YARS1: variants seen among roughly 807,000 people sequenced by gnomAD.
YARS1 encodes the protein tyrosyl-tRNA synthetase 1.
YARS1 carries 36 observed loss-of-function variants against 62.2 expected under a neutral mutation model. The observed-to-expected ratio is 0.58, with a 90% CI of 0.44 to 0.76. The LOEUF (loss-of-function observed/expected upper bound fraction) is 0.76. Among genes scored for constraint, YARS1 ranks in the 30% least tolerant of loss-of-function variants. The probability of loss-of-function intolerance (pLI) is 0.00; values close to 1 mark genes in which losing one functional copy is unlikely to be tolerated. For missense variants in YARS1, 524 were observed against 639.8 expected, an observed-to-expected ratio of 0.82 and a Z score of 1.95; for synonymous variants, 234 against 244.9, an observed-to-expected ratio of 0.96 and a Z score of 0.42.
chr1:32,790,937 TA>T (rs1246130350), intron 6 of YARS1: 29 of 544,032 alleles, frequency 5.3e-5, no homozygotes, highest in Non-Finnish European at 8.2e-5. Context: ...CTTTTGCTTT[TA>T]TTTTTTTATC....
At chr1:32,785,890 C>CTTT (rs11344284) in intron 8 of YARS1, among the ~76,000 whole-genome samples, 14 of 146,494 alleles carry the variant, frequency 9.6e-5, no homozygotes, top group African/African-American at 3.5e-4. Flanking sequence ...AGCCCATTTT[C>CTTT]TTTTTTTTTT....
chr1:32,784,457 CCCT>C (rs1653156967), intron 8 of YARS1, among the ~76,000 whole-genome samples: 1 of 151,980 alleles, frequency 6.6e-6, no homozygotes, highest in Non-Finnish European at 1.5e-5. Flanking sequence ...CCCATAATCC[CCCT>C]CCTCACCTTT....
rs771657997 is a variant in YARS1 at position 32,810,762 on chromosome 1, G to C, written c.209C>G (p.Thr70Arg). The change falls in exon 3 of 13, where the codon ACA (threonine) becomes AGA (arginine). Residue 70 changes from threonine (T) to arginine (R), a missense_variant. Physicochemically the swap from Thr to Arg is moderately conservative, Grantham distance 71. Transcript: ENST00000373477. Reference sequence around the variant, plus strand: ...TGCGTGGAGGTCCGCAAACAGAATTGTTACCTGGACAAGAGATAAGGGGCC... The same window carrying C: ...TGCGTGGAGGTCCGCAAACAGAATTCTTACCTGGACAAGAGATAAGGGGCC... ...ADFLKAGCEVTILFADLHAYL... is the reference protein window; with the variant it reads ...ADFLKAGCEVRILFADLHAYL... 2 of 1,614,122 alleles carry C rather than the reference G, an allele frequency of 1.2e-6. No homozygotes were observed. The highest frequency in any genetic ancestry group is 2.7e-5 in the African/African-American group (2 of 75,026).
At chr1:32,786,650 T>C (rs1653238332) in intron 7 of YARS1, 1 of 710,504 alleles carries the variant, frequency 1.4e-6, no homozygotes, top group Middle Eastern at 3.3e-4. Context: ...GGAAGGCTTG[T>C]GGCTTATATC....
intron 10 of YARS1, 52 bp downstream of exon 10, chr1:32,780,996 A>G: frequency 6.4e-7 from 1 of 1,564,068 alleles, no homozygotes; most frequent in African/African-American, 1.4e-5. Flanking sequence ...GGATGGAAAC[A>G]GACAAACCTG....
chr1:32,780,511 T>C (rs958678064), intron 10 of YARS1: 18 of 572,942 alleles, frequency 3.1e-5, no homozygotes, highest in Non-Finnish European at 5.0e-5. Flanking sequence ...GATGCTTGTG[T>C]TAAGAGGTGG....
intron 12 of YARS1, among the ~76,000 whole-genome samples, chr1:32,778,736 C>CTTTTTTTTT (rs67504155): frequency 3.3e-5 from 4 of 120,068 alleles, no homozygotes; most frequent in African/African-American, 6.6e-5. Context: ...CTTTTCTTTT[C>CTTTTTTTTT]TTTTTTTTTT....
At position 32,817,208 on chromosome 1, in the gene YARS1, G is replaced by A; in HGVS notation, c.37C>T (p.Leu13Phe). 6.2e-7 allele frequency: 1 copy of A among 1,614,232 alleles called. No individual in the cohort carries two copies. ...DAPSPEEKLH[L>F]ITRNLQEVLG... ...CTGACCTGCAGGTTCCGGGTGATAA[G>A]GTGCAGTTTCTCTTCAGGGCTGGGA... Residue 13 changes from leucine to phenylalanine, a missense_variant, in exon 1 of 13, where the codon CTT becomes TTT. By Grantham distance (22) the Leu-to-Phe change is conservative. Coordinates refer to ENST00000373477, the MANE Select transcript of YARS1 (RefSeq NM_003680.4).
chr1:32,807,498 C>CT (rs1638490487), intron 3 of YARS1, among the ~76,000 whole-genome samples: 1 of 151,856 alleles, frequency 6.6e-6, no homozygotes, highest in Admixed American at 6.6e-5. Context: ...ACTCTGTCAC[C>CT]TGGGCTGGAA....
At chr1:32,780,713 G>A (rs1037307642) in intron 10 of YARS1, 1 of 429,674 alleles carries the variant, frequency 2.3e-6, no homozygotes, top group Non-Finnish European at 4.3e-6. Context: ...CTTTCTGAAG[G>A]GGGCAAAGTG....
intron 7 of YARS1, 140 bp from the exon 8 acceptor site, chr1:32,786,587 A>T: frequency 1.1e-6 from 1 of 887,176 alleles, no homozygotes. Flanking sequence ...ATTATTCTTA[A>T]ATTGGATGAG....
Position 32,775,890 on chromosome 1 carries a change from TGA to T in YARS1, c.*89_*90del, listed in dbSNP as rs1652839968. On this transcript the variant is annotated 3_prime_UTR_variant, in exon 13 of 13. Coordinates refer to ENST00000373477, the MANE Select transcript of YARS1 (RefSeq NM_003680.4). ...GTCCAAACCCGCTGCTTCCGTGTCC[TGA>T]GAGATGGGTAAATGGGTGATGGATG... The T allele has an allele frequency of 3.2e-6, 4 of 1,236,120 alleles. No individual in the cohort carries two copies. The highest frequency in any genetic ancestry group is 1.8e-5 in the Admixed American group (1 of 55,778). 76.6% of individuals were successfully genotyped at this position (1,236,120 alleles called of 1,614,324 possible).
At chr1:32,783,217 T>A (rs1180012444) in intron 8 of YARS1, 1 of 153,110 alleles carries the variant, frequency 6.5e-6, no homozygotes, top group African/African-American at 2.4e-5. Flanking sequence ...AGGATGGGGA[T>A]GAGGGTTAAA....
chr1:32,781,169 A>G, intron 9 of YARS1, 24 bp from the exon 10 acceptor site: 2 of 1,598,612 alleles, frequency 1.3e-6, no homozygotes, highest in Non-Finnish European at 1.7e-6. Flanking sequence ...GAACCCCATG[A>G]GGTAGAATTC....
chr1:32,794,044 A>C (rs1432637685), intron 5 of YARS1, among the ~76,000 whole-genome samples: 1 of 152,194 alleles, frequency 6.6e-6, no homozygotes, highest in African/African-American at 2.4e-5. Flanking sequence ...ATATAGATGA[A>C]AAGTGACTTA....
rs113726588 is a variant in YARS1, at chr1:32,787,827, T to C, written c.685-752A>G. Among the ~76,000 whole-genome samples the C allele has an allele frequency of 3.1e-3, 476 of 152,270 alleles. 7 individuals are homozygous for C. Among genetic ancestry groups the C allele is most frequent in the African/African-American group, 0.011 (451 of 41,564 alleles). On this transcript the variant is annotated intron_variant, in intron 6 of 12. Coordinates refer to ENST00000373477, the MANE Select transcript of YARS1 (RefSeq NM_003680.4). ...CTGCACCCGGGCAATAAAAATATTT[T>C]AACATTTGGCTGGGCACAGTGGCTC...
At chr1:32,788,492 A>G (rs1171618187) in intron 6 of YARS1, among the ~76,000 whole-genome samples, 6 of 151,958 alleles carry the variant, frequency 3.9e-5, no homozygotes, top group Non-Finnish European at 7.4e-5. Flanking sequence ...GTACAATGGC[A>G]TGATCTCGAC....
At position 32,776,109 on chromosome 1, in the gene YARS1, G is replaced by C. The variant is rs371891919; in HGVS notation, c.1477-18C>G. On this transcript the variant is annotated intron_variant, in intron 12 of 12. Transcript: ENST00000373477. This position sits in a 1 kb window ranked among gnomAD's most constrained non-coding sequence, Gnocchi z 4.0. The stretch of plus-strand genomic sequence containing the variant: ...AAGTCAGCCTGGACAAGACAGATAA[G>C]AGAGATTTTAATGATGGTGGTGGGA... 1.2e-6 allele frequency: 2 copies of C among 1,601,930 alleles called. No homozygotes were observed. Among genetic ancestry groups the C allele is most frequent in the African/African-American group, 1.3e-5 (1 of 74,792 alleles).
chr1:32,814,020 A>T (rs1237629892), intron 1 of YARS1, among the ~76,000 whole-genome samples: 1 of 152,088 alleles, frequency 6.6e-6, no homozygotes, highest in Non-Finnish European at 1.5e-5. Context: ...TCCTTAACTG[A>T]TCCCCTTCAG....
Sources: allele counts gnomAD v4.1 joint callset (sites outside exome capture counted in the v4.1 genomes callset), GRCh38; gene constraint gnomAD v4.1.1; non-coding constraint Gnocchi (gnomAD v3.1); transcripts MANE v1.5; gene names NCBI Gene and HGNC (gene_info 2026-07-23, HGNC 2026-07-21).